The following GRIPAP1 variants were observed in gnomAD, a reference collection of about 807,000 sequenced individuals.
The protein encoded by GRIPAP1 is GRIP1-associated protein 1.
A neutral mutation model predicts 84.1 loss-of-function variants in GRIPAP1; 14 were observed. That is an observed-to-expected ratio of 0.17 (90% CI 0.11 to 0.26). The LOEUF (loss-of-function observed/expected upper bound fraction) is 0.26. Ranked by LOEUF, GRIPAP1 falls within the 10% of genes least tolerant of loss-of-function variation. The pLI, the probability that GRIPAP1 is intolerant of heterozygous loss-of-function variation, is 1.00. For synonymous variants in GRIPAP1, 261 were observed against 256.8 expected (o/e 1.02, Z -0.15); for missense variants, 518 against 674.2 (o/e 0.77, Z 2.57).
intron 5 of GRIPAP1, among the ~76,000 whole-genome samples, chrX:48,995,494 T>C (rs891413200): frequency 9.0e-6 from 1 of 111,378 alleles, no homozygotes; most frequent in Non-Finnish European, 1.9e-5. Context: ...GTGAACTAAG[T>C]AGAAGAAACT....
rs2064459399 is a variant in GRIPAP1, at chrX:48,981,844, T to C, written c.1628A>G (p.Gln543Arg). Residue 543 changes from glutamine (Q) to arginine (R), a missense_variant, in exon 18 of 26, where the codon CAA (glutamine) becomes CGA (arginine). By Grantham distance (43) the Gln-to-Arg change is conservative. Coordinates refer to ENST00000376423, the MANE Select transcript of GRIPAP1 (RefSeq NM_020137.5). ...EESLQQQQQE[Q>R]EEALKQCREQ... ...CCGACACTGCTTGAGGGCTTCCTCTTGTTCCTGCTGCTGCTGCTGCAGGGA... is the reference window on the plus strand; with the variant it reads ...CCGACACTGCTTGAGGGCTTCCTCTCGTTCCTGCTGCTGCTGCTGCAGGGA... The C allele has an allele frequency of 5.1e-6, 6 of 1,165,903 alleles. No homozygotes were observed. The African/African-American group carries it at 7.2e-5, about 14-fold the overall frequency.
intron 1 of GRIPAP1, 27 bp from the exon 2 acceptor site, chrX:48,999,531 A>G: frequency 8.8e-7 from 1 of 1,133,866 alleles, no homozygotes; most frequent in Non-Finnish European, 1.2e-6. Flanking sequence ...AAGGGAAAAG[A>G]CTTGGTCAGG....
intron 4 of GRIPAP1, 53 bp from the exon 5 acceptor site, chrX:48,997,410 G>T: frequency 1.5e-6 from 1 of 680,512 alleles, no homozygotes; most frequent in Non-Finnish European, 2.3e-6. Context: ...AGGATAGGGA[G>T]GTAGGGCAAA....
At chrX:48,994,001 G>C (rs2064533390) in intron 5 of GRIPAP1, among the ~76,000 whole-genome samples, 2 of 110,053 alleles carry the variant, frequency 1.8e-5, no homozygotes, top group African/African-American at 6.6e-5. Context: ...AGCTCGCAGG[G>C]CATTTCCAGG....
chrX:49,000,064 C>T (rs1167022700), intron 1 of GRIPAP1, among the ~76,000 whole-genome samples: 2 of 110,397 alleles, frequency 1.8e-5, no homozygotes, highest in Admixed American at 2.0e-4. Context: ...CATCCAGGCC[C>T]CCTTCAATAA....
In GRIPAP1 at chrX:48,998,197, TG is replaced by T. The variant is rs2064558197; in HGVS notation, c.172-18del. 2 of 1,164,215 alleles carry T rather than the reference TG, an allele frequency of 1.7e-6. No homozygotes were observed. The highest frequency in any genetic ancestry group is 2.3e-6 in the Non-Finnish European group (2 of 857,283). ...GCTCAGTGCCTAAAGTGGGGGTGGG[TG>T]GGAAGAGAGCTAAAGTGAACAGAGA... is the stretch of plus-strand genomic sequence containing the variant. On this transcript the variant is annotated intron_variant, in intron 3 of 25. Coordinates refer to ENST00000376423, the MANE Select transcript of GRIPAP1 (RefSeq NM_020137.5).
At chrX:48,989,064 G>T (rs781980856) in intron 11 of GRIPAP1, among the ~76,000 whole-genome samples, 2 of 111,309 alleles carry the variant, frequency 1.8e-5, no homozygotes, top group Non-Finnish European at 3.8e-5. Flanking sequence ...AGGATCTCAG[G>T]ACTACCTAGC....
chrX:48,982,036 TGC>T (rs1300240381), intron 17 of GRIPAP1, among the ~76,000 whole-genome samples, 164 bp from the exon 18 acceptor site: 1 of 112,767 alleles, frequency 8.9e-6, no homozygotes, highest in Non-Finnish European at 1.9e-5. Context: ...CATCTAAAGT[TGC>T]ACCATTCGCA....
At chrX:48,983,915 G>A in intron 14 of GRIPAP1, 45 bp from the exon 15 acceptor site, 1 of 770,152 alleles carries the variant, frequency 1.3e-6, no homozygotes, top group Non-Finnish European at 2.0e-6. Context: ...AGAGCATCCA[G>A]TAGGTGCTAG....
Position 48,989,718 on chromosome X carries a change from T to C in GRIPAP1, c.771-8A>G. On this transcript the variant is annotated splice_polypyrimidine_tract_variant and splice_region_variant and intron_variant, in intron 10 of 25. Transcript: ENST00000376423. ...AATTCCTCAATCTTGTTCCTAGGAG[T>C]GATGGGGAGGGGGTGTGTTGGACAT... 8.6e-7 allele frequency: 1 copy of C among 1,158,129 alleles called. No individual in the cohort carries two copies. The highest frequency in any genetic ancestry group is 3.0e-5 in the East Asian group (1 of 33,621).
chrX:48,999,748 G>A (rs1201454065), intron 1 of GRIPAP1, among the ~76,000 whole-genome samples: 2 of 110,537 alleles, frequency 1.8e-5, no homozygotes, highest in African/African-American at 3.3e-5. Flanking sequence ...TACAATCCAC[G>A]CTGCACTCAG....
chrX:49,000,393 A>T (rs1286867373), intron 1 of GRIPAP1, among the ~76,000 whole-genome samples: 3 of 100,834 alleles, frequency 3.0e-5, no homozygotes, highest in Admixed American at 2.2e-4. Flanking sequence ...AAAAAAAAAA[A>T]AGAATTAAGG....
Position 48,990,001 on chromosome X carries a change from G to C in GRIPAP1, c.693C>G (p.Leu231=), listed in dbSNP as rs1557065007. ...CTTGTTTCTTTTTCAGTTTCTCGGA[G>C]AGCTGGGGAGAGAGGTACAGACAAG... ...TSRLQEELAK[L]SEKLKKKQES... The change falls in exon 9 of 26, where the codon CTC becomes CTG. Residue 231 remains leucine, a splice_region_variant and synonymous_variant. Coordinates refer to ENST00000376423, the MANE Select transcript of GRIPAP1 (RefSeq NM_020137.5). The C allele has an allele frequency of 8.4e-7, 1 of 1,184,363 alleles. No individual in the cohort carries two copies. The highest frequency in any genetic ancestry group is 1.1e-6 in the Non-Finnish European group (1 of 874,772).
At chrX:48,978,168 T>A in intron 22 of GRIPAP1, 137 bp downstream of exon 22, 1 of 628,985 alleles carries the variant, frequency 1.6e-6, no homozygotes, top group East Asian at 3.6e-5. Context: ...GTTGGTGGGC[T>A]TGGGGAAAAG....
intron 11 of GRIPAP1, 58 bp from the exon 12 acceptor site, chrX:48,988,256 C>T (rs1470698848): frequency 3.6e-6 from 3 of 836,438 alleles, no homozygotes; most frequent in Non-Finnish European, 5.2e-6. Flanking sequence ...TGCATATAAC[C>T]GTACAGACTC....
chrX:48,987,075 T>C (rs1490711664), intron 13 of GRIPAP1, among the ~76,000 whole-genome samples: 16 of 106,667 alleles, frequency 1.5e-4, no homozygotes, highest in Non-Finnish European at 2.7e-4. Flanking sequence ...CTCGAACTCC[T>C]GACCTCAGGT....
chrX:48,999,471 G>C lies in GRIPAP1; in HGVS notation c.76C>G (p.Gln26Glu), dbSNP rs1367346825. Reference protein sequence around the residue: ...QLLELRTNNYQLSDELRKNGV... With the variant: ...QLLELRTNNYELSDELRKNGV... ...TTCTTGCGTAGTTCATCTGAAAGCT[G>C]GTAGTTGTTTGTCCGGAGTTCCAGG... Residue 26 changes from glutamine (Q) to glutamate (E), a missense_variant, in exon 2 of 26, where the codon CAG becomes GAG. Gln to Glu is a conservative substitution (Grantham distance 29). Around this residue, in one of 5 missense-constraint regions of GRIPAP1, gnomAD observed 372 missense variants for 458.1 expected, o/e 0.81. Transcript: ENST00000376423. 8.3e-7 allele frequency: 1 copy of C among 1,205,741 alleles called. No homozygotes were observed. Among genetic ancestry groups the C allele is most frequent in the East Asian group, 3.0e-5 (1 of 33,733 alleles).
chrX:48,990,915 C>T lies in GRIPAP1; in HGVS notation c.642+11G>A, dbSNP rs781880274. 1 of 1,139,471 alleles carries T rather than the reference C, an allele frequency of 8.8e-7. No homozygotes were observed. The highest frequency in any genetic ancestry group is 3.0e-5 in the East Asian group (1 of 33,277). 93.9% of individuals were successfully genotyped at this position (1,139,471 alleles called of 1,213,427 possible). A position where few individuals can be genotyped will look rare whatever the true frequency, so the allele number is the denominator to read the frequency against. Reference sequence around the variant, plus strand: ...CTTCTGGCATTCCAGCTCCAACAGACTCAGATTCACCTCTAAGCCTTGCAG... The same window carrying T: ...CTTCTGGCATTCCAGCTCCAACAGATTCAGATTCACCTCTAAGCCTTGCAG... On this transcript the variant is annotated intron_variant, in intron 7 of 25. Coordinates refer to ENST00000376423, the MANE Select transcript of GRIPAP1 (RefSeq NM_020137.5).
chrX:48,999,935 G>T (rs1557067992), intron 1 of GRIPAP1, among the ~76,000 whole-genome samples: 1 of 111,150 alleles, frequency 9.0e-6, no homozygotes, highest in Non-Finnish European at 1.9e-5. Context: ...CTGATGGCAG[G>T]GGGTTAAGGG....
Sources: allele counts gnomAD v4.1 joint callset (sites outside exome capture counted in the v4.1 genomes callset), GRCh38; gene constraint gnomAD v4.1.1; regional missense constraint gnomAD v4.1.1; transcripts MANE v1.5; gene names NCBI Gene and HGNC (gene_info 2026-07-23, HGNC 2026-07-21).